Variants in BRCA1 observed in about 807,000 individuals in gnomAD.
BRCA1 encodes breast cancer type 1 susceptibility protein.
A neutral mutation model predicts 173.7 loss-of-function variants in BRCA1; 140 were observed. That is an observed-to-expected ratio of 0.81 (90% CI 0.70 to 0.93). The LOEUF (loss-of-function observed/expected upper bound fraction) is 0.93, where lower values mean the gene tolerates loss of function less well. Ranked by LOEUF, BRCA1 falls within the 40% of genes least tolerant of loss-of-function variation. The probability of loss-of-function intolerance (pLI) is 0.00; values close to 1 mark genes in which losing one functional copy is unlikely to be tolerated. For synonymous variants in BRCA1, 662 were observed against 756.0 expected (o/e 0.88, Z 2.04); for missense variants, 1,983 against 2,172.5 (o/e 0.91, Z 1.73).
At chr17:43,119,628 T>G (rs1031295692) in intron 2 of BRCA1, among the ~76,000 whole-genome samples, 3 of 151,908 alleles carry the variant, frequency 2.0e-5, no homozygotes, top group African/African-American at 7.3e-5. Flanking sequence ...GTACCAACAT[T>G]GGTATTATTA....
chr17:43,092,052 TTTA>T lies in BRCA1; in HGVS notation c.3476_3478del (p.Ile1159del). ...ATTTTCAGCAAAACTAGTATCTTCC[TTTA>T]TTTCACCATCATCTAACAGGTCATC... On this transcript the variant is annotated inframe_deletion, in exon 10 of 23. Coordinates refer to ENST00000357654, the MANE Select transcript of BRCA1 (RefSeq NM_007294.4). 1.2e-6 allele frequency: 2 copies of T among 1,614,086 alleles called. No individual in the cohort carries two copies. Among genetic ancestry groups the T allele is most frequent in the East Asian group, 4.5e-5 (2 of 44,888 alleles).
At chr17:43,112,124 C>G (rs1324126760) in intron 3 of BRCA1, among the ~76,000 whole-genome samples, 1 of 151,508 alleles carries the variant, frequency 6.6e-6, no homozygotes, top group Middle Eastern at 3.2e-3. Flanking sequence ...GAATCTTGCT[C>G]TGTCGCCCAG....
rs786201648 is a variant in BRCA1, at chr17:43,045,708, C to G, written c.5562G>C (p.Leu1854=). The G allele has an allele frequency of 6.2e-7, 1 of 1,613,784 alleles. No homozygotes were observed. Among genetic ancestry groups the G allele is most frequent in the African/African-American group, 1.3e-5 (1 of 75,018 alleles). ...AGTGGCTGTGGGGGATCTGGGGTAT[C>G]AGGTAGGTGTCCAGCTCCTGGCACT... The part of the protein sequence containing the change: ...LYQCQELDTY[L]IPQIPHSHY The change falls in exon 23 of 23, where the codon CTG becomes CTC. Residue 1854 remains leucine (L), a synonymous_variant. Transcript: ENST00000357654.
chr17:43,159,140 A>G (rs1445877052), intron 1 of BRCA1, among the ~76,000 whole-genome samples: 1 of 152,096 alleles, frequency 6.6e-6, no homozygotes, highest in Non-Finnish European at 1.5e-5. Flanking sequence ...AGTCCCTGCT[A>G]CTCTGGAGGC....
At chr17:43,107,105 C>T (rs1368655309) in intron 3 of BRCA1, among the ~76,000 whole-genome samples, 1 of 143,742 alleles carries the variant, frequency 7.0e-6, no homozygotes, top group Non-Finnish European at 1.5e-5. Context: ...CGCTCTGTCT[C>T]CCAGGCTGGA....
In BRCA1 at chr17:43,094,325, C is replaced by A. The variant is rs1283231905; in HGVS notation, c.1206G>T (p.Glu402Asp). 1.2e-6 allele frequency: 2 copies of A among 1,614,160 alleles called. No individual in the cohort carries two copies. The highest frequency in any genetic ancestry group is 3.3e-4 in the Middle Eastern group (2 of 6,062). Reference sequence around the variant, plus strand: ...CAGCTACTTTGGCATTTGATTCAGACTCCCCATCATGTGAGTCATCAGAAC... The same window carrying A: ...CAGCTACTTTGGCATTTGATTCAGAATCCCCATCATGTGAGTCATCAGAAC... ...LLGSDDSHDG[E>D]SESNAKVADV... The change falls in exon 10 of 23, where the codon GAG becomes GAT. Residue 402 changes from glutamate to aspartate, a missense_variant. Physicochemically the swap from Glu to Asp is conservative, Grantham distance 45 (BLOSUM62 2). Coordinates refer to ENST00000357654, the MANE Select transcript of BRCA1 (RefSeq NM_007294.4).
At chr17:43,127,586 G>GT (rs1042250953), upstream of BRCA1, among the ~76,000 whole-genome samples, 92 of 152,194 alleles carry the variant, frequency 6.0e-4, no homozygotes, top group African/African-American at 2.1e-3. Context: ...CTAGAGGATT[G>GT]TAAATGCACC....
chr17:43,098,204 A>AT (rs200081820), intron 7 of BRCA1, among the ~76,000 whole-genome samples: 2 of 151,382 alleles, frequency 1.3e-5, no homozygotes, highest in African/African-American at 2.4e-5. Flanking sequence ...TAAAAAAGAA[A>AT]TTTTTTTGTA....
chr17:43,094,349 A>G lies in BRCA1; in HGVS notation c.1182T>C (p.Gly394=), dbSNP rs2154471852. 6.2e-7 allele frequency: 1 copy of G among 1,614,122 alleles called. No homozygotes were observed. Among genetic ancestry groups the G allele is most frequent in the Non-Finnish European group, 8.5e-7 (1 of 1,179,996 alleles). ...ACTCCCCATCATGTGAGTCATCAGAACCTAACAGTTCATCACTTCTGGAAA... is the reference window on the plus strand; with the variant it reads ...ACTCCCCATCATGTGAGTCATCAGAGCCTAACAGTTCATCACTTCTGGAAA... ...EWFSRSDELL[G]SDDSHDGESE... The change falls in exon 10 of 23, where the codon GGT becomes GGC. Residue 394 remains glycine (G), a synonymous_variant. Transcript: ENST00000357654.
At chr17:43,069,601 G>C (rs1416251964) in intron 15 of BRCA1, among the ~76,000 whole-genome samples, 1 of 152,194 alleles carries the variant, frequency 6.6e-6, no homozygotes, top group African/African-American at 2.4e-5. Context: ...ACACAGGTAA[G>C]AGCTTTCAGA....
chr17:43,052,617 C>T (rs546916793), intron 19 of BRCA1, among the ~76,000 whole-genome samples: 2 of 152,216 alleles, frequency 1.3e-5, no homozygotes, highest in Non-Finnish European at 1.5e-5. Flanking sequence ...GGGTGACTCT[C>T]AGTGTCTTGA....
chr17:43,164,243 GC>G (rs1283310090), intron 1 of BRCA1: 16 of 152,316 alleles, frequency 1.1e-4, no homozygotes, highest in African/African-American at 3.8e-4. Flanking sequence ...GTCCATTCTT[GC>G]TCTTTAGTGG....
At chr17:43,137,145 G>A (rs2056031652) in intron 1 of BRCA1, among the ~76,000 whole-genome samples, 1 of 151,876 alleles carries the variant, frequency 6.6e-6, no homozygotes. Flanking sequence ...CATGGATGAA[G>A]CTGGAAACCA....
At chr17:43,169,885 C>T (rs2056312141) in intron 1 of BRCA1, 2 of 405,972 alleles carry the variant, frequency 4.9e-6, no homozygotes, top group African/African-American at 2.1e-5. Flanking sequence ...TTTTTCCCCC[C>T]CTCTACACTG....
chr17:43,096,018 A>G (rs1238095036), intron 8 of BRCA1, 96 bp from the exon 9 acceptor site: 1 of 1,022,902 alleles, frequency 9.8e-7, no homozygotes, highest in Non-Finnish European at 1.5e-6. Context: ...TCTTTCGATT[A>G]CAGAAAGCTG....
chr17:43,059,329 T>C (rs1317683486), intron 18 of BRCA1, among the ~76,000 whole-genome samples: 2 of 152,140 alleles, frequency 1.3e-5, no homozygotes, highest in African/African-American at 4.8e-5. Context: ...CCAGGCATTG[T>C]GGCAGGTGCC....
intron 3 of BRCA1, among the ~76,000 whole-genome samples, chr17:43,107,871 T>A (rs1443347309): frequency 6.6e-6 from 1 of 152,130 alleles, no homozygotes; most frequent in African/African-American, 2.4e-5. Context: ...ATACAACCAA[T>A]ATTTACTATG....
intron 1 of BRCA1, among the ~76,000 whole-genome samples, chr17:43,139,458 G>A (rs960992121): frequency 6.6e-5 from 10 of 151,628 alleles, no homozygotes; most frequent in African/African-American, 2.2e-4. Context: ...CCAGGTTTAC[G>A]CCATTCTTCT....
At chr17:43,067,836 ATTT>A (rs11421283) in intron 15 of BRCA1, 141 bp from the exon 16 acceptor site, 310 of 214,984 alleles carry the variant, frequency 1.4e-3, no homozygotes, top group Non-Finnish European at 1.7e-3. Context: ...TTTAAAGTGA[ATTT>A]TTTTTTTTTT....
Sources: allele counts gnomAD v4.1 joint callset (sites outside exome capture counted in the v4.1 genomes callset), GRCh38; gene constraint gnomAD v4.1.1; transcripts MANE v1.5; gene names NCBI Gene and HGNC (gene_info 2026-07-23, HGNC 2026-07-21).